SLC30A9: variants seen among roughly 807,000 people sequenced by gnomAD.
The protein encoded by SLC30A9 is solute carrier family 30 member 9.
Under a neutral mutation model 87.5 loss-of-function variants are expected in SLC30A9, and 58 were observed. The observed-to-expected ratio is 0.66, with a 90% confidence interval of 0.54 to 0.82. The LOEUF (loss-of-function observed/expected upper bound fraction) is 0.82. Among genes scored for constraint, SLC30A9 ranks in the 40% least tolerant of loss-of-function variants. SLC30A9 has a pLI of 0.00. For synonymous variants in SLC30A9, 234 were observed against 233.0 expected (o/e 1.00, Z -0.04); for missense variants, 557 against 679.1 (o/e 0.82, Z 2.00).
rs114709954 is a variant in SLC30A9, at chr4:42,010,386, A to T, written c.275-7725A>T. On this transcript the variant is annotated intron_variant, in intron 2 of 17. Coordinates refer to ENST00000264451, the MANE Select transcript of SLC30A9 (RefSeq NM_006345.4). ...CAGCTACTTGGGAGGCCGAGACGGG[A>T]GGATCACTTGAGCCCAACAGGTTGA... Among the ~76,000 whole-genome samples the T allele has an allele frequency of 6.5e-3, 994 of 152,236 alleles. 7 individuals are homozygous for T. Among genetic ancestry groups the T allele is most frequent in the Middle Eastern group, 0.02 (6 of 294 alleles).
chr4:42,061,848 C>T (rs975474843), intron 10 of SLC30A9, among the ~76,000 whole-genome samples: 1 of 151,274 alleles, frequency 6.6e-6, no homozygotes, highest in African/African-American at 2.4e-5. Context: ...TGTGGTGAGC[C>T]AAGATCACGC....
intron 15 of SLC30A9, 72 bp from the exon 16 acceptor site, chr4:42,075,585 C>A: frequency 1.4e-6 from 2 of 1,382,896 alleles, no homozygotes; most frequent in Non-Finnish European, 2.0e-6. Context: ...TAATTCAAGC[C>A]TTTGTGCTAT....
intron 14 of SLC30A9, 141 bp from the exon 15 acceptor site, chr4:42,070,385 G>A (rs1718261600): frequency 1.7e-6 from 1 of 595,050 alleles, no homozygotes; most frequent in East Asian, 2.8e-5. Flanking sequence ...ACTATTAGGA[G>A]TTGTTAAAGG....
intron 4 of SLC30A9, among the ~76,000 whole-genome samples, chr4:42,020,980 GTTA>G (rs1363903489): frequency 6.6e-6 from 1 of 152,110 alleles, no homozygotes; most frequent in South Asian, 2.1e-4. Flanking sequence ...TCCAATATCT[GTTA>G]TTATTAATTT....
rs187049339 is a variant in SLC30A9 at position 42,006,992 on chromosome 4, T to A, written c.274+5212T>A. Among the ~76,000 whole-genome samples the A allele has an allele frequency of 1.0e-3, 155 of 152,258 alleles. 1 individual carries two copies. The highest frequency in any genetic ancestry group is 3.6e-3 in the African/African-American group (150 of 41,548). On this transcript the variant is annotated intron_variant, in intron 2 of 17. Transcript: ENST00000264451. ...GACTTTGTTTTGTAGGTAGTGGGAA[T>A]AACAGAGTATTATTAATACAAGTAG...
At chr4:42,001,862 A>G in intron 2 of SLC30A9, 82 bp downstream of exon 2, 2 of 961,982 alleles carry the variant, frequency 2.1e-6, no homozygotes, top group Non-Finnish European at 3.1e-6. Context: ...GATGTTTGAT[A>G]GAACTTACTT....
At chr4:42,047,809 G>A (rs1393115622) in intron 8 of SLC30A9, among the ~76,000 whole-genome samples, 1 of 151,890 alleles carries the variant, frequency 6.6e-6, no homozygotes, top group Non-Finnish European at 1.5e-5. Flanking sequence ...ATTCATATTA[G>A]CAGACTTGGA....
At chr4:42,044,703 G>A (rs556159547) in intron 8 of SLC30A9, among the ~76,000 whole-genome samples, 1 of 152,256 alleles carries the variant, frequency 6.6e-6, no homozygotes, top group African/African-American at 2.4e-5. Context: ...ACTCAGCTCT[G>A]GACCAAGCAG....
At chr4:42,057,192 C>G (rs1384789685) in intron 9 of SLC30A9, among the ~76,000 whole-genome samples, 2 of 152,148 alleles carry the variant, frequency 1.3e-5, no homozygotes, top group African/African-American at 4.8e-5. Flanking sequence ...GCAATGGCCG[C>G]CCTCTGCTCA....
At chr4:41,997,084 A>G (rs1714751434) in intron 1 of SLC30A9, among the ~76,000 whole-genome samples, 1 of 143,856 alleles carries the variant, frequency 7.0e-6, no homozygotes, top group African/African-American at 2.5e-5. Context: ...GAAAAATAGA[A>G]TTAAGCAAGG....
intron 2 of SLC30A9, among the ~76,000 whole-genome samples, chr4:42,006,077 A>G (rs1190245750): frequency 6.6e-6 from 1 of 152,236 alleles, no homozygotes; most frequent in Non-Finnish European, 1.5e-5. Context: ...CAGTGTAACA[A>G]CGGTTTACTT....
chr4:42,018,206 A>T, intron 3 of SLC30A9, 36 bp downstream of exon 3: 1 of 1,182,424 alleles, frequency 8.5e-7, no homozygotes, highest in Non-Finnish European at 1.2e-6. Context: ...TATTATAAAG[A>T]TGTTTTGAAT....
intron 1 of SLC30A9, among the ~76,000 whole-genome samples, chr4:41,993,965 T>C (rs993973962): frequency 1.3e-5 from 2 of 152,174 alleles, no homozygotes; most frequent in African/African-American, 4.8e-5. Flanking sequence ...GAGACCAGCC[T>C]GGCCAACATG....
intron 2 of SLC30A9, among the ~76,000 whole-genome samples, chr4:42,011,155 T>G (rs1374584026): frequency 6.6e-6 from 1 of 152,168 alleles, no homozygotes; most frequent in Non-Finnish European, 1.5e-5. Context: ...TTTAATTGAC[T>G]CACAGTTCCA....
At chr4:41,996,132 T>C (rs1383014033) in intron 1 of SLC30A9, among the ~76,000 whole-genome samples, 1 of 152,096 alleles carries the variant, frequency 6.6e-6, no homozygotes, top group Non-Finnish European at 1.5e-5. Flanking sequence ...GTTTTGCTCT[T>C]GTTTCCCAGG....
rs1718985274 is a variant in SLC30A9 at position 42,088,105 on chromosome 4, G to A, written c.*1979G>A. ...TAAATAATAATTGAAGGTTTATGTT[G>A]CCATCTTTTCTAATTCTGTTTTGCA... is the stretch of plus-strand genomic sequence containing the variant. On this transcript the variant is annotated 3_prime_UTR_variant, in exon 18 of 18. Transcript: ENST00000264451. 1 of 151,548 alleles carries A rather than the reference G, an allele frequency of 6.6e-6. No homozygotes were observed. The highest frequency in any genetic ancestry group is 1.5e-5 in the Non-Finnish European group (1 of 67,960). 9.4% of individuals were successfully genotyped at this position (151,548 alleles called of 1,614,324 possible). A position where few individuals can be genotyped will look rare whatever the true frequency, so the allele number is the denominator to read the frequency against.
chr4:42,031,184 A>G (rs958460916), intron 6 of SLC30A9, among the ~76,000 whole-genome samples: 1 of 152,188 alleles, frequency 6.6e-6, no homozygotes, highest in Admixed American at 6.5e-5. Context: ...TCCATGTTCT[A>G]ATAATTGCCA....
intron 10 of SLC30A9, among the ~76,000 whole-genome samples, chr4:42,060,753 A>AT (rs890965761): frequency 6.6e-6 from 1 of 152,072 alleles, no homozygotes; most frequent in Admixed American, 6.6e-5. Flanking sequence ...TGATACAGAG[A>AT]TTTTTTTCTA....
Position 42,023,381 on chromosome 4 carries a change from G to C in SLC30A9, c.607G>C (p.Glu203Gln), listed in dbSNP as rs750851753. 2 of 1,581,498 alleles carry C rather than the reference G, an allele frequency of 1.3e-6. No individual in the cohort carries two copies. Among genetic ancestry groups the C allele is most frequent in the East Asian group, 4.5e-5 (2 of 44,686 alleles). The change falls in exon 6 of 18, where the codon GAA becomes CAA. Residue 203 changes from glutamate to glutamine, a missense_variant. Glu to Gln is a conservative substitution (Grantham distance 29). Transcript: ENST00000264451. The stretch of plus-strand genomic sequence containing the variant: ...TAAGGAAGCAGAAATAGAATACAGA[G>C]AAAGTAAGTATATTCAATTTAAAGT... The part of the protein sequence containing the change: ...LRKEAEIEYR[E>Q]RLFRNQKILR...
Sources: gnomAD v4.1 joint callset for allele counts (sites outside exome capture counted in the v4.1 genomes callset) on GRCh38, gnomAD v4.1.1 for gene constraint, MANE v1.5 for transcripts, NCBI Gene and HGNC (gene_info 2026-07-23, HGNC 2026-07-21) for gene names.